FRMPD2: variants seen among roughly 807,000 people sequenced by gnomAD.
The protein encoded by FRMPD2 is FERM and PDZ domain-containing protein 2.
Under a neutral mutation model 140.1 loss-of-function variants are expected in FRMPD2, and 96 were observed. The observed-to-expected ratio is 0.69, with a 90% CI of 0.58 to 0.81. The LOEUF (loss-of-function observed/expected upper bound fraction) is 0.81. Ranked by LOEUF, FRMPD2 falls within the 40% of genes least tolerant of loss-of-function variation. The pLI, the probability that FRMPD2 is intolerant of heterozygous loss-of-function variation, is 0.00. For synonymous variants in FRMPD2, 449 were observed against 547.6 expected (o/e 0.82, Z 2.52); for missense variants, 1,240 against 1,447.4 (o/e 0.86, Z 2.32).
At chr10:48,261,427 T>C (rs1055095190) in intron 1 of FRMPD2, among the ~76,000 whole-genome samples, 3 of 152,058 alleles carry the variant, frequency 2.0e-5, no homozygotes, top group African/African-American at 7.2e-5. Context: ...CTTACATATA[T>C]AGCAGAAAAA....
At chr10:48,211,596 A>G (rs1240984165) in intron 13 of FRMPD2, among the ~76,000 whole-genome samples, 1 of 152,176 alleles carries the variant, frequency 6.6e-6, no homozygotes, top group Non-Finnish European at 1.5e-5. Flanking sequence ...CAGCCTGGCC[A>G]ACATGGGAAA....
intron 7 of FRMPD2, among the ~76,000 whole-genome samples, chr10:48,239,154 G>A (rs774043825): frequency 2.0e-5 from 3 of 152,200 alleles, no homozygotes; most frequent in South Asian, 2.1e-4. Context: ...TAGCCGAGCC[G>A]AAGACAGTCA....
At chr10:48,261,999 A>T (rs1840600058) in intron 1 of FRMPD2, among the ~76,000 whole-genome samples, 1 of 152,182 alleles carries the variant, frequency 6.6e-6, no homozygotes, top group African/African-American at 2.4e-5. Flanking sequence ...TAAAATGCTC[A>T]ATTACAACTA....
intron 28 of FRMPD2, among the ~76,000 whole-genome samples, chr10:48,160,256 C>T (rs1837899484): frequency 6.6e-6 from 1 of 151,568 alleles, no homozygotes; most frequent in Non-Finnish European, 1.5e-5. Context: ...GGTAAAATCT[C>T]TAGATATAGA....
chr10:48,259,565 G>A (rs1271896756), intron 1 of FRMPD2, among the ~76,000 whole-genome samples: 1 of 152,032 alleles, frequency 6.6e-6, no homozygotes, highest in Non-Finnish European at 1.5e-5. Flanking sequence ...TGATTAATAT[G>A]TAATGTATTC....
chr10:48,176,145 G>A, intron 22 of FRMPD2: 1 of 525,296 alleles, frequency 1.9e-6, no homozygotes, highest in South Asian at 2.0e-5. Flanking sequence ...CTTAACAATA[G>A]CAACTATGTG....
Position 48,223,052 on chromosome 10 carries a change from C to T in FRMPD2, c.1316+71G>A, listed in dbSNP as rs12249536. On this transcript the variant is annotated intron_variant, in intron 11 of 28. Coordinates refer to ENST00000374201, the MANE Select transcript of FRMPD2 (RefSeq NM_001018071.4). ...ACAGTTTGCAAAGCACTTGTCGATC[C>T]ATTACCTCTCCGTCAGCCTGGACAT... is the stretch of plus-strand genomic sequence containing the variant. 29,702 of 1,408,412 alleles carry T rather than the reference C, an allele frequency of 0.021. 2,962 individuals are homozygous for T. The African/African-American group carries it at 0.28, about 13-fold the overall frequency. 87.2% of individuals were successfully genotyped at this position (1,408,412 alleles called of 1,614,324 possible). A position where few individuals can be genotyped will look rare whatever the true frequency, so the allele number is the denominator to read the frequency against.
rs766991384 is a variant in FRMPD2 at position 48,259,639 on chromosome 10, T to TAA, written c.26-7949_26-7948insTT. 2.3e-5 allele frequency among the ~76,000 whole-genome samples: 3 copies of TAA among 129,630 alleles called. 1 individual carries two copies. The highest frequency in any genetic ancestry group is 4.9e-5 in the Non-Finnish European group (3 of 61,516). The allele number at this position is 129,630 out of a possible 152,430, so 85.0% of individuals were successfully genotyped here. A position where few individuals can be genotyped will look rare whatever the true frequency, so the allele number is the denominator to read the frequency against. ...GTACATGAATGTGTGTGTGTAAGTG[T>TAA]GTGTGTGTGTGTGTGTGTGAGTATA... is the stretch of plus-strand genomic sequence containing the variant. On this transcript the variant is annotated intron_variant, in intron 1 of 28. Coordinates refer to ENST00000374201, the MANE Select transcript of FRMPD2 (RefSeq NM_001018071.4).
At chr10:48,251,474 T>C (rs1254534966) in intron 2 of FRMPD2, 92 bp downstream of exon 2, 2 of 1,511,408 alleles carry the variant, frequency 1.3e-6, no homozygotes, top group Non-Finnish European at 1.8e-6. Context: ...CAGAGGTTGA[T>C]TTAAAAAAGC....
In FRMPD2 at chr10:48,161,886, A is replaced by G. The variant is rs566459288; in HGVS notation, c.3881+1442T>C. On this transcript the variant is annotated intron_variant, in intron 28 of 28. Coordinates refer to ENST00000374201, the MANE Select transcript of FRMPD2 (RefSeq NM_001018071.4). ...ACCATTTTAAATAACTATTGGCTAT[A>G]TTAAATTAAAGGCACTTGGCAAGTC... is the stretch of plus-strand genomic sequence containing the variant. Among the ~76,000 whole-genome samples, 3 of 150,944 alleles carry G rather than the reference A, an allele frequency of 2.0e-5. No homozygotes were observed. The East Asian group carries it at 5.9e-4, about 29-fold the overall frequency.
At chr10:48,229,712 C>T (rs1839805713) in intron 10 of FRMPD2, among the ~76,000 whole-genome samples, 1 of 152,000 alleles carries the variant, frequency 6.6e-6, no homozygotes. Flanking sequence ...GCCATAGAAA[C>T]AATGAAATTT....
At chr10:48,192,042 G>A (rs1838841885) in intron 16 of FRMPD2, among the ~76,000 whole-genome samples, 1 of 152,190 alleles carries the variant, frequency 6.6e-6, no homozygotes, top group Admixed American at 6.5e-5. Context: ...GCTCAGAACA[G>A]CACCTGGCTG....
At position 48,201,526 on chromosome 10, in the gene FRMPD2, T is replaced by C. The variant is rs1488702308; in HGVS notation, c.1798-142A>G. On this transcript the variant is annotated intron_variant, in intron 14 of 28. Transcript: ENST00000374201. Reference sequence around the variant, plus strand: ...GTGCATGGCAGATGCTGTCTGACTATGGCCTGATATTTTCCTTAGCTTAAA... The same window carrying C: ...GTGCATGGCAGATGCTGTCTGACTACGGCCTGATATTTTCCTTAGCTTAAA... The C allele has an allele frequency of 2.3e-5, 14 of 607,776 alleles. No homozygotes were observed. The Admixed American group carries it at 3.4e-4, about 15-fold the overall frequency. The allele number at this position is 607,776 out of a possible 1,614,324, so 37.6% of individuals were successfully genotyped here.
At chr10:48,207,611 A>G (rs1006504165) in intron 13 of FRMPD2, among the ~76,000 whole-genome samples, 1 of 152,212 alleles carries the variant, frequency 6.6e-6, no homozygotes, top group Non-Finnish European at 1.5e-5. Context: ...AGACCAAAGT[A>G]TAAAATGAAC....
intron 13 of FRMPD2, 126 bp from the exon 14 acceptor site, chr10:48,207,059 T>C (rs1839217535): frequency 4.9e-6 from 4 of 823,822 alleles, no homozygotes; most frequent in African/African-American, 1.7e-5. Flanking sequence ...AATTGTCATG[T>C]AAGTTTAGGA....
chr10:48,178,596 T>C (rs535640823), intron 21 of FRMPD2, among the ~76,000 whole-genome samples: 7 of 152,148 alleles, frequency 4.6e-5, no homozygotes, highest in Non-Finnish European at 1.0e-4. Flanking sequence ...AAGTCCACCA[T>C]ACCACAGAGG....
chr10:48,228,524 A>G (rs1265701844), intron 10 of FRMPD2, among the ~76,000 whole-genome samples: 1 of 151,992 alleles, frequency 6.6e-6, no homozygotes, highest in African/African-American at 2.4e-5. Context: ...GGGTCTGTTA[A>G]TTAAAATGCT....
At chr10:48,161,587 A>G (rs1401811805) in intron 28 of FRMPD2, among the ~76,000 whole-genome samples, 11 of 151,478 alleles carry the variant, frequency 7.3e-5, no homozygotes, top group Non-Finnish European at 1.3e-4. Context: ...TGGCCCCATA[A>G]GAACAGCATA....
intron 21 of FRMPD2, chr10:48,178,867 C>A (rs1689626844): frequency 6.6e-6 from 1 of 152,452 alleles, no homozygotes; most frequent in Non-Finnish European, 1.5e-5. Flanking sequence ...CAATCCGAAT[C>A]CCAGCTCTGT....
Sources: allele counts gnomAD v4.1 joint callset (sites outside exome capture counted in the v4.1 genomes callset), GRCh38; gene constraint gnomAD v4.1.1; transcripts MANE v1.5; gene names NCBI Gene and HGNC (gene_info 2026-07-23, HGNC 2026-07-21).